The following LPXN variants were observed in gnomAD, a reference collection of about 807,000 sequenced individuals.
The protein encoded by LPXN is leupaxin.
In LPXN, 28 loss-of-function variants were observed where a neutral mutation model predicts 45.6. The ratio of observed to expected loss-of-function variants is 0.61; its 90% CI spans 0.45 to 0.84. The LOEUF (loss-of-function observed/expected upper bound fraction) is 0.84, where lower values mean the gene tolerates loss of function less well. Among genes scored for constraint, LPXN ranks in the 40% least tolerant of loss-of-function variants. LPXN has a pLI of 0.00. For synonymous variants in LPXN, 166 were observed against 169.9 expected (o/e 0.98, Z 0.18); for missense variants, 459 against 475.0 (o/e 0.97, Z 0.31).
intron 7 of LPXN, among the ~76,000 whole-genome samples, chr11:58,528,565 T>C (rs1233293272): frequency 6.6e-6 from 1 of 152,168 alleles, no homozygotes; most frequent in Non-Finnish European, 1.5e-5. Flanking sequence ...CCTTGTCACA[T>C]CATCTTCTTT....
rs184566812 is a variant in LPXN at position 58,566,109 on chromosome 11, G to A, written c.172-1908C>T. Among the ~76,000 whole-genome samples the A allele has an allele frequency of 1.6e-3, 247 of 151,760 alleles. 1 individual carries two copies. Among genetic ancestry groups the A allele is most frequent in the African/African-American group, 5.8e-3 (239 of 41,468 alleles). On this transcript the variant is annotated intron_variant, in intron 2 of 8. Coordinates refer to ENST00000395074, the MANE Select transcript of LPXN (RefSeq NM_004811.3). Reference sequence around the variant, plus strand: ...TTTAGATATTATTGTCTCTAGCATTGGGATGTGGACATTTTTCAGGAACAT... The same window carrying A: ...TTTAGATATTATTGTCTCTAGCATTAGGATGTGGACATTTTTCAGGAACAT...
Position 58,575,836 on chromosome 11 carries a change from G to A in LPXN, c.-64C>T, listed in dbSNP as rs2134370181. The A allele has an allele frequency of 6.2e-7, 1 of 1,614,074 alleles. No homozygotes were observed. The highest frequency in any genetic ancestry group is 8.5e-7 in the Non-Finnish European group (1 of 1,179,968). ...AGGAACAGCTTTGGCATGTGCTGAA[G>A]AAGAGGACCGCAAAGGAACTGGATG... is the stretch of plus-strand genomic sequence containing the variant. On this transcript the variant is annotated 5_prime_UTR_variant, in exon 1 of 9. Transcript: ENST00000395074.
chr11:58,570,285 A>G (rs1006002800), intron 2 of LPXN, among the ~76,000 whole-genome samples: 1 of 151,660 alleles, frequency 6.6e-6, no homozygotes, highest in Non-Finnish European at 1.5e-5. Context: ...CCTTGGAGAC[A>G]GAGTGTGACT....
intron 4 of LPXN, among the ~76,000 whole-genome samples, chr11:58,554,314 AAAAC>A (rs574221400): frequency 0.018 from 2,663 of 152,114 alleles, 47 homozygotes; most frequent in Middle Eastern, 0.027. Flanking sequence ...CTCCATCTCA[AAAAC>A]AAACAAACAA....
intron 3 of LPXN, among the ~76,000 whole-genome samples, chr11:58,555,567 T>G (rs1280326294): frequency 6.6e-6 from 1 of 152,128 alleles, no homozygotes; most frequent in African/African-American, 2.4e-5. Flanking sequence ...AAAGTAAAGC[T>G]CAATAAATTT....
intron 7 of LPXN, among the ~76,000 whole-genome samples, chr11:58,537,427 C>T (rs529530465): frequency 2.6e-5 from 4 of 152,192 alleles, no homozygotes; most frequent in Admixed American, 1.3e-4. Context: ...AACCAAACAC[C>T]GCATGTTCTC....
upstream of LPXN, chr11:58,578,235 G>A (rs1854969501): frequency 4.5e-6 from 3 of 662,576 alleles, no homozygotes; most frequent in East Asian, 6.7e-5. Flanking sequence ...CACGCGTCGC[G>A]ACCTAACCCG....
intron 3 of LPXN, among the ~76,000 whole-genome samples, chr11:58,555,720 A>G (rs918477357): frequency 6.6e-6 from 1 of 150,798 alleles, no homozygotes; most frequent in Non-Finnish European, 1.5e-5. Flanking sequence ...TTTTCAAACC[A>G]GTTAGAAATA....
upstream of LPXN, chr11:58,578,118 A>C (rs1024230085): frequency 2.6e-6 from 4 of 1,525,620 alleles, no homozygotes; most frequent in Non-Finnish European, 2.6e-6. Context: ...AGTTACGCAG[A>C]CACCCCGAGA....
At chr11:58,534,787 A>C (rs1359818546) in intron 7 of LPXN, among the ~76,000 whole-genome samples, 1 of 152,216 alleles carries the variant, frequency 6.6e-6, no homozygotes, top group Non-Finnish European at 1.5e-5. Flanking sequence ...ACACTAATAA[A>C]GAAAAAAAGA....
chr11:58,562,808 C>T (rs1453707877), intron 3 of LPXN, among the ~76,000 whole-genome samples: 7 of 13,136 alleles, frequency 5.3e-4, no homozygotes, highest in Non-Finnish European at 2.8e-3. Context: ...AATAGAGCGA[C>T]TTGTGGGGGG....
upstream of LPXN, chr11:58,578,006 G>A (rs1391503858): frequency 1.9e-6 from 3 of 1,550,758 alleles, no homozygotes; most frequent in Non-Finnish European, 2.6e-6. Context: ...TCACAGGTGA[G>A]TGACTCACAC....
At position 58,558,031 on chromosome 11, in the gene LPXN, G is replaced by A. The variant is rs77217081; in HGVS notation, c.219-3091C>T. Among the ~76,000 whole-genome samples, 62 of 152,100 alleles carry A rather than the reference G, an allele frequency of 4.1e-4. No homozygotes were observed. The East Asian group carries it at 8.5e-3, about 21-fold the overall frequency. On this transcript the variant is annotated intron_variant, in intron 3 of 8. Coordinates refer to ENST00000395074, the MANE Select transcript of LPXN (RefSeq NM_004811.3). ...ATTTTGGAAAAACAAAATAGGAGGGGTGTGTGGTGTCTCACACCTGTGGTC... is the reference window on the plus strand; with the variant it reads ...ATTTTGGAAAAACAAAATAGGAGGGATGTGTGGTGTCTCACACCTGTGGTC...
chr11:58,572,176 C>G (rs1216443066), intron 1 of LPXN, among the ~76,000 whole-genome samples: 1 of 151,536 alleles, frequency 6.6e-6, no homozygotes, highest in African/African-American at 2.4e-5. Flanking sequence ...ATCTAAAGTT[C>G]TCAGATAAGG....
At chr11:58,557,241 C>T (rs1324013045) in intron 3 of LPXN, among the ~76,000 whole-genome samples, 1 of 152,150 alleles carries the variant, frequency 6.6e-6, no homozygotes, top group Non-Finnish European at 1.5e-5. Flanking sequence ...TCTCTGCACT[C>T]GTATGTTCAT....
At chr11:58,562,591 G>T (rs1362299192) in intron 3 of LPXN, among the ~76,000 whole-genome samples, 1 of 152,096 alleles carries the variant, frequency 6.6e-6, no homozygotes, top group Non-Finnish European at 1.5e-5. Flanking sequence ...TGATTACACA[G>T]GTGAGGGGAG....
chr11:58,545,129 T>A (rs1206414731), intron 7 of LPXN, among the ~76,000 whole-genome samples: 1 of 152,162 alleles, frequency 6.6e-6, no homozygotes, highest in Non-Finnish European at 1.5e-5. Flanking sequence ...TCAATAAATG[T>A]CACTTTTTGT....
At position 58,570,727 on chromosome 11, in the gene LPXN, A is replaced by C. The variant is rs1854669270; in HGVS notation, c.14-14T>G. On this transcript the variant is annotated splice_polypyrimidine_tract_variant and intron_variant, in intron 1 of 8. Transcript: ENST00000395074. ...CCAATAAGGCATCTACACCATAAGA[A>C]GCAAGAGAATCATGACAGAGAATAT... 1 of 1,589,754 alleles carries C rather than the reference A, an allele frequency of 6.3e-7. No individual in the cohort carries two copies. Among genetic ancestry groups the C allele is most frequent in the Admixed American group, 1.7e-5 (1 of 58,644 alleles).
chr11:58,538,819 A>ATT (rs1463811234), intron 7 of LPXN, among the ~76,000 whole-genome samples: 1 of 152,088 alleles, frequency 6.6e-6, no homozygotes, highest in Non-Finnish European at 1.5e-5. Flanking sequence ...ATATTTATAT[A>ATT]TTTTTTGAAC....
Sources: gnomAD v4.1 joint callset for allele counts (sites outside exome capture counted in the v4.1 genomes callset) on GRCh38, gnomAD v4.1.1 for gene constraint, MANE v1.5 for transcripts, NCBI Gene and HGNC (gene_info 2026-07-23, HGNC 2026-07-21) for gene names.